KLHL1: variants seen among roughly 807,000 people sequenced by gnomAD.
KLHL1 encodes kelch-like protein 1.
Under a neutral mutation model 77.7 loss-of-function variants are expected in KLHL1, and 47 were observed. The ratio of observed to expected loss-of-function variants is 0.60; its 90% CI spans 0.48 to 0.77. KLHL1 has a LOEUF of 0.77. Ranked by LOEUF, KLHL1 falls within the 30% of genes least tolerant of loss-of-function variation. KLHL1 has a pLI of 0.00. For synonymous variants in KLHL1, 360 were observed against 325.2 expected (o/e 1.11, Z -1.15); for missense variants, 925 against 910.8 (o/e 1.02, Z -0.20).
At chr13:70,043,271 T>C (rs898229430) in intron 1 of KLHL1, among the ~76,000 whole-genome samples, 8 of 152,232 alleles carry the variant, frequency 5.3e-5, no homozygotes, top group African/African-American at 1.9e-4. Flanking sequence ...TGAGAAAAGT[T>C]ATATAATAAG....
intron 1 of KLHL1, among the ~76,000 whole-genome samples, chr13:70,038,106 A>T (rs141238670): frequency 6.6e-6 from 1 of 152,290 alleles, no homozygotes; most frequent in East Asian, 1.9e-4. Flanking sequence ...CTTGTTTTCC[A>T]TCTTCACGTT....
chr13:69,984,082 GAC>G (rs1398461012), intron 1 of KLHL1, among the ~76,000 whole-genome samples: 1 of 152,116 alleles, frequency 6.6e-6, no homozygotes, highest in Non-Finnish European at 1.5e-5. Flanking sequence ...AATGGTTCAT[GAC>G]ATTGGTCTGG....
chr13:69,869,913 T>A (rs1880516072), intron 5 of KLHL1, among the ~76,000 whole-genome samples: 1 of 152,198 alleles, frequency 6.6e-6, no homozygotes, highest in Non-Finnish European at 1.5e-5. Context: ...TTACAAAAAA[T>A]ACTACAATGG....
chr13:69,890,424 C>CTGATTACCCGG (rs576829093), intron 4 of KLHL1, among the ~76,000 whole-genome samples: 118 of 152,070 alleles, frequency 7.8e-4, no homozygotes, highest in African/African-American at 2.7e-3. Flanking sequence ...TACACTTTTA[C>CTGATTACCCGG]TGTGCACTGA....
chr13:69,740,409 G>A lies in KLHL1; in HGVS notation c.1787C>T (p.Ala596Val), dbSNP rs745836877. The change falls in exon 8 of 11, where the codon GCA becomes GTA. Residue 596 changes from alanine to valine, a missense_variant. Coordinates refer to ENST00000377844, the MANE Select transcript of KLHL1 (RefSeq NM_020866.3). ...ATTTACTTACTTGCCATTCAATGCT[G>A]CTACACCAACTGTGCTCCGAGCAAT... Reference protein sequence around the residue: ...MSIARSTVGVAALNGKLYSVG... With the variant: ...MSIARSTVGVVALNGKLYSVG... 6.3e-7 allele frequency: 1 copy of A among 1,599,788 alleles called. No homozygotes were observed. Among genetic ancestry groups the A allele is most frequent in the South Asian group, 1.1e-5 (1 of 88,444 alleles).
intron 7 of KLHL1, among the ~76,000 whole-genome samples, chr13:69,773,064 GA>G (rs553633229): frequency 5.9e-5 from 9 of 151,408 alleles, no homozygotes; most frequent in Admixed American, 2.6e-4. Context: ...ACAAGCAAAG[GA>G]AAAAAAATAA....
At chr13:69,842,376 C>T (rs185806386) in intron 5 of KLHL1, among the ~76,000 whole-genome samples, 32 of 151,664 alleles carry the variant, frequency 2.1e-4, no homozygotes, top group Non-Finnish European at 8.9e-5. Context: ...AAAAAGTGGG[C>T]GAAGGACATG....
intron 7 of KLHL1, among the ~76,000 whole-genome samples, chr13:69,769,987 G>T (rs1382559972): frequency 6.6e-6 from 1 of 152,104 alleles, no homozygotes; most frequent in African/African-American, 2.4e-5. Flanking sequence ...TGGGTCCCCA[G>T]ACCCCAGACC....
chr13:69,886,154 C>T (rs1381319091), intron 4 of KLHL1, among the ~76,000 whole-genome samples: 1 of 152,028 alleles, frequency 6.6e-6, no homozygotes, highest in African/African-American at 2.4e-5. Context: ...ATCTCATGAA[C>T]ACACACATAC....
chr13:70,012,475 T>C (rs1287452168), intron 1 of KLHL1, among the ~76,000 whole-genome samples: 1 of 152,116 alleles, frequency 6.6e-6, no homozygotes, highest in Non-Finnish European at 1.5e-5. Flanking sequence ...CTCCTTCCTA[T>C]GAACTCCAGG....
chr13:69,900,378 A>G (rs1881812871), intron 4 of KLHL1, among the ~76,000 whole-genome samples: 1 of 152,156 alleles, frequency 6.6e-6, no homozygotes, highest in Non-Finnish European at 1.5e-5. Context: ...TCTCCAAGAC[A>G]CAGCATATGA....
rs144386939 is a variant in KLHL1 at position 69,793,546 on chromosome 13, C to T, written c.1639+3192G>A. Among the ~76,000 whole-genome samples, 696 of 151,236 alleles carry T rather than the reference C, an allele frequency of 4.6e-3. 7 individuals are homozygous for T. Among genetic ancestry groups the T allele is most frequent in the African/African-American group, 0.016 (664 of 41,204 alleles). ...GGGAAAAAAGCTAGATAAGTCAAAACACATTTTGAGGTTTCATTTTTTTCA... is the reference window on the plus strand; with the variant it reads ...GGGAAAAAAGCTAGATAAGTCAAAATACATTTTGAGGTTTCATTTTTTTCA... On this transcript the variant is annotated intron_variant, in intron 7 of 10. Coordinates refer to ENST00000377844, the MANE Select transcript of KLHL1 (RefSeq NM_020866.3).
At chr13:69,995,052 A>G (rs959576547) in intron 1 of KLHL1, among the ~76,000 whole-genome samples, 4 of 152,134 alleles carry the variant, frequency 2.6e-5, no homozygotes, top group African/African-American at 9.7e-5. Context: ...CCAGTAGCCC[A>G]GTTAAGCCAG....
intron 1 of KLHL1, among the ~76,000 whole-genome samples, chr13:70,009,139 A>G (rs1190230584): frequency 4.6e-5 from 7 of 151,394 alleles, no homozygotes; most frequent in African/African-American, 1.7e-4. Context: ...ATAGTAAAAA[A>G]TTTGTGTAAG....
At chr13:69,951,411 C>G (rs957941143) in intron 3 of KLHL1, among the ~76,000 whole-genome samples, 3 of 151,364 alleles carry the variant, frequency 2.0e-5, no homozygotes, top group Non-Finnish European at 4.4e-5. Flanking sequence ...CAGATTTTCG[C>G]AAGTTAGTAG....
intron 5 of KLHL1, among the ~76,000 whole-genome samples, chr13:69,846,766 G>T (rs2138123816): frequency 6.6e-6 from 1 of 151,520 alleles, no homozygotes; most frequent in Non-Finnish European, 1.5e-5. Flanking sequence ...CAACATTAAA[G>T]CATTGCTGAG....
intron 3 of KLHL1, among the ~76,000 whole-genome samples, chr13:69,954,837 C>A (rs1883818555): frequency 6.6e-6 from 1 of 150,580 alleles, no homozygotes; most frequent in African/African-American, 2.4e-5. Flanking sequence ...CATATATATG[C>A]ATAAATGAAA....
intron 1 of KLHL1, among the ~76,000 whole-genome samples, chr13:69,989,954 T>C (rs1442638547): frequency 6.6e-6 from 1 of 151,912 alleles, no homozygotes; most frequent in Admixed American, 6.6e-5. Context: ...GCCTTTTATT[T>C]CTTTCTCTAA....
intron 1 of KLHL1, among the ~76,000 whole-genome samples, chr13:70,056,752 A>AT (rs1411335792): frequency 1.3e-5 from 2 of 152,166 alleles, no homozygotes; most frequent in African/African-American, 4.8e-5. Context: ...TAAGAGAGAA[A>AT]TTTTTTAAAT....
Sources: allele counts gnomAD v4.1 joint callset (sites outside exome capture counted in the v4.1 genomes callset), GRCh38; gene constraint gnomAD v4.1.1; transcripts MANE v1.5; gene names NCBI Gene and HGNC (gene_info 2026-07-23, HGNC 2026-07-21).